The following ATXN1 variants were observed in gnomAD, a reference collection of about 807,000 sequenced individuals.
The protein encoded by ATXN1 is ataxin 1.
In ATXN1, 8 loss-of-function variants were observed where a neutral mutation model predicts 56.4. The ratio of observed to expected loss-of-function variants is 0.14; its 90% confidence interval spans 0.08 to 0.26. The LOEUF is 0.26. Among genes scored for constraint, ATXN1 ranks in the 10% least tolerant of loss-of-function variants. The pLI, the probability that ATXN1 is intolerant of heterozygous loss-of-function variation, is 1.00. For synonymous variants in ATXN1, 514 were observed against 494.6 expected (o/e 1.04, Z -0.52); for missense variants, 987 against 1,106.5 (o/e 0.89, Z 1.53).
intron 4 of ATXN1, among the ~76,000 whole-genome samples, chr6:16,526,271 T>C (rs1761393029): frequency 6.6e-6 from 1 of 152,102 alleles, no homozygotes; most frequent in Non-Finnish European, 1.5e-5. Flanking sequence ...TCTACCAAAG[T>C]GTCCCAAGTT....
rs770406977 is a variant in ATXN1 at position 16,306,512 on chromosome 6, C to T, written c.2265G>A (p.Ala755=). 6.2e-6 allele frequency: 10 copies of T among 1,614,118 alleles called. No homozygotes were observed. The highest frequency in any genetic ancestry group is 2.2e-5 in the South Asian group (2 of 91,084). The change falls in exon 8 of 8, where the codon GCG becomes GCA. Residue 755 remains alanine, a synonymous_variant. Transcript: ENST00000436367. This position sits in a 1 kb window ranked among gnomAD's most constrained non-coding sequence, Gnocchi z 5.2. ...TGGGTTCTATTTTGGTGAGGAAGGG[C>T]GCTGCAGGCAATCCCATTTTCTCTG... ...KFPEKMGLPA[A]PFLTKIEPSK...
chr6:16,564,159 T>G (rs1029864235), intron 4 of ATXN1, among the ~76,000 whole-genome samples: 1 of 152,200 alleles, frequency 6.6e-6, no homozygotes, highest in African/African-American at 2.4e-5. Flanking sequence ...ACATACATGA[T>G]GCTTAGCAGA....
chr6:16,334,940 A>T (rs1164258194), intron 6 of ATXN1, among the ~76,000 whole-genome samples: 2 of 152,192 alleles, frequency 1.3e-5, no homozygotes, highest in Non-Finnish European at 1.5e-5. Flanking sequence ...AAAAAGCTGC[A>T]GCATTAGGAA....
intron 4 of ATXN1, among the ~76,000 whole-genome samples, chr6:16,580,688 C>T (rs1468290580): frequency 2.0e-5 from 3 of 152,132 alleles, no homozygotes; most frequent in Non-Finnish European, 2.9e-5. Flanking sequence ...GAATAAAATG[C>T]TTCATAAAGA....
intron 1 of ATXN1, among the ~76,000 whole-genome samples, chr6:16,758,224 T>C (rs1227833051): frequency 6.6e-6 from 1 of 152,226 alleles, no homozygotes; most frequent in Non-Finnish European, 1.5e-5. Context: ...GTAAACCCTT[T>C]AGAAATCCAG....
rs1006084014 is a variant in ATXN1, at chr6:16,304,197, A to G, written c.*2132T>C. 1.6e-4 allele frequency: 25 copies of G among 152,602 alleles called. No individual in the cohort carries two copies. Among genetic ancestry groups the G allele is most frequent in the African/African-American group, 5.8e-4 (24 of 41,436 alleles). 9.5% of individuals were successfully genotyped at this position (152,602 alleles called of 1,614,324 possible). On this transcript the variant is annotated 3_prime_UTR_variant, in exon 8 of 8. Transcript: ENST00000436367. ...TTTTTTTTTAATTTGTGAAACGAAG[A>G]AAGTACTATTTTCAATGGGGTAAAA...
At chr6:16,572,326 T>C (rs1212140699) in intron 4 of ATXN1, among the ~76,000 whole-genome samples, 1 of 152,178 alleles carries the variant, frequency 6.6e-6, no homozygotes, top group Non-Finnish European at 1.5e-5. Flanking sequence ...CAATGATGTA[T>C]AATGTTGACT....
At chr6:16,504,113 A>T (rs1352317103) in intron 5 of ATXN1, among the ~76,000 whole-genome samples, 1 of 152,160 alleles carries the variant, frequency 6.6e-6, no homozygotes, top group Non-Finnish European at 1.5e-5. Context: ...TTAGCAAGAA[A>T]TGTGGTAAAT....
intron 6 of ATXN1, among the ~76,000 whole-genome samples, chr6:16,461,325 TG>T (rs1447244468): frequency 6.6e-6 from 1 of 152,150 alleles, no homozygotes; most frequent in Admixed American, 6.5e-5. Flanking sequence ...AGCCAGCCAG[TG>T]GAAAATACTT....
intron 6 of ATXN1, among the ~76,000 whole-genome samples, chr6:16,348,529 T>C (rs1169284372): frequency 3.9e-5 from 6 of 151,918 alleles, no homozygotes; most frequent in Non-Finnish European, 7.4e-5. Flanking sequence ...CAAAGCCCCG[T>C]CTCTACTAAA....
chr6:16,356,953 C>T (rs764335111), intron 6 of ATXN1, among the ~76,000 whole-genome samples: 3 of 152,172 alleles, frequency 2.0e-5, no homozygotes, highest in Admixed American at 6.5e-5. Flanking sequence ...ATATGGAGGA[C>T]TGTGGTGACA....
chr6:16,536,137 A>T (rs1291091396), intron 4 of ATXN1, among the ~76,000 whole-genome samples: 2 of 152,154 alleles, frequency 1.3e-5, no homozygotes, highest in African/African-American at 2.4e-5. Context: ...GGATTGCTTA[A>T]GCCCCGAAGG....
At chr6:16,452,207 T>A (rs1759768375) in intron 6 of ATXN1, among the ~76,000 whole-genome samples, 1 of 152,194 alleles carries the variant, frequency 6.6e-6, no homozygotes, top group African/African-American at 2.4e-5. Context: ...AGCACCAGAC[T>A]GTGAGCTTTT....
chr6:16,717,916 G>A (rs537561999), intron 2 of ATXN1, among the ~76,000 whole-genome samples: 1 of 152,224 alleles, frequency 6.6e-6, no homozygotes, highest in East Asian at 1.9e-4. Context: ...TGTTTAGGAT[G>A]ATGAAGCCAA....
intron 5 of ATXN1, among the ~76,000 whole-genome samples, chr6:16,496,442 C>T (rs533452653): frequency 7.2e-4 from 110 of 152,142 alleles, no homozygotes; most frequent in Non-Finnish European, 1.4e-3. Context: ...GATTTGATAC[C>T]ATATTTGGAG....
intron 3 of ATXN1, among the ~76,000 whole-genome samples, chr6:16,644,977 T>C (rs1331660113): frequency 1.3e-5 from 2 of 152,306 alleles, no homozygotes; most frequent in South Asian, 2.1e-4. Flanking sequence ...AGCTAATAAA[T>C]ACAGATTTGG....
intron 6 of ATXN1, among the ~76,000 whole-genome samples, chr6:16,419,145 T>C (rs1347411945): frequency 6.6e-6 from 1 of 152,208 alleles, no homozygotes; most frequent in African/African-American, 2.4e-5. Flanking sequence ...GATGGGTTCT[T>C]GCTATGTTGC....
chr6:16,742,968 A>G (rs1760393591), intron 2 of ATXN1, among the ~76,000 whole-genome samples: 1 of 152,224 alleles, frequency 6.6e-6, no homozygotes. Flanking sequence ...CTTTCACCTG[A>G]GTTGCAGAGT....
intron 4 of ATXN1, among the ~76,000 whole-genome samples, chr6:16,529,873 T>C (rs1440524409): frequency 1.3e-5 from 2 of 152,192 alleles, no homozygotes; most frequent in African/African-American, 4.8e-5. Flanking sequence ...CCAGCTCTGA[T>C]AGCCTGGATT....
Sources: allele counts gnomAD v4.1 joint callset (sites outside exome capture counted in the v4.1 genomes callset), GRCh38; gene constraint gnomAD v4.1.1; non-coding constraint Gnocchi (gnomAD v3.1); transcripts MANE v1.5; gene names NCBI Gene and HGNC (gene_info 2026-07-23, HGNC 2026-07-21).